Variants in LARP1B observed in about 807,000 individuals in gnomAD.
LARP1B encodes la-related protein 1B.
LARP1B carries 76 observed loss-of-function variants against 114.2 expected under a neutral mutation model. That is an observed-to-expected ratio of 0.67 (90% confidence interval 0.55 to 0.81). LARP1B has a LOEUF of 0.81. Ranked by LOEUF, LARP1B falls within the 30% of genes least tolerant of loss-of-function variation. The pLI, the probability that LARP1B is intolerant of heterozygous loss-of-function variation, is 0.00. For missense variants in LARP1B, 1,014 were observed against 1,075.8 expected, an observed-to-expected ratio of 0.94 and a Z score of 0.80; for synonymous variants, 345 against 348.0, an observed-to-expected ratio of 0.99 and a Z score of 0.10.
rs1395078070 is a variant in LARP1B at position 128,207,375 on chromosome 4, C to T, written c.2539C>T (p.Arg847Cys). Residue 847 changes from arginine (R) to cysteine (C), a missense_variant, in exon 19 of 20, where the codon CGT (arginine) becomes TGT (cysteine). By Grantham distance (180) the Arg-to-Cys change is radical (BLOSUM62 -3). Transcript: ENST00000326639. ...LCSFKRLEDF[R>C]VDPPISDEFG... ...TAGTTTTAAGAGGTTAGAAGACTTC[C>T]GTGTTGATGTAAGTTTTAAGTCATT... 8.0e-6 allele frequency: 12 copies of T among 1,500,228 alleles called. No homozygotes were observed. Among genetic ancestry groups the T allele is most frequent in the East Asian group, 4.9e-5 (2 of 40,632 alleles). The allele number at this position is 1,500,228 out of a possible 1,614,324, so 92.9% of individuals were successfully genotyped here.
chr4:128,105,816 G>C (rs1781872311), intron 8 of LARP1B, among the ~76,000 whole-genome samples: 1 of 152,082 alleles, frequency 6.6e-6, no homozygotes, highest in African/African-American at 2.4e-5. Flanking sequence ...GCTTGAACTT[G>C]GGAGGCGGAG....
intron 11 of LARP1B, among the ~76,000 whole-genome samples, chr4:128,129,675 T>C (rs1453420283): frequency 1.3e-5 from 2 of 152,122 alleles, no homozygotes; most frequent in Admixed American, 6.6e-5. Flanking sequence ...GGTGAAAGAA[T>C]AGACAACTAA....
intron 11 of LARP1B, among the ~76,000 whole-genome samples, chr4:128,146,786 A>T (rs1305116867): frequency 6.6e-6 from 1 of 152,228 alleles, no homozygotes; most frequent in African/African-American, 2.4e-5. Context: ...AAAGCAGAAC[A>T]GTTATTTAAA....
intron 5 of LARP1B, among the ~76,000 whole-genome samples, chr4:128,086,143 A>C (rs1300504311): frequency 6.6e-6 from 1 of 150,768 alleles, no homozygotes; most frequent in Non-Finnish European, 1.5e-5. Context: ...AGCTGGGACT[A>C]CAAGCACCTG....
intron 11 of LARP1B, chr4:128,123,485 T>A: frequency 1.4e-6 from 1 of 717,634 alleles, no homozygotes; most frequent in Non-Finnish European, 1.7e-6. Flanking sequence ...TTTACCCAGC[T>A]TTGTTTTTCA....
rs147417803 is a variant in LARP1B at position 128,115,200 on chromosome 4, T to C, written c.1161+458T>C. 2.5e-3 allele frequency among the ~76,000 whole-genome samples: 383 copies of C among 152,280 alleles called. 4 individuals are homozygous for C. The East Asian group carries it at 0.027, about 11-fold the overall frequency. On this transcript the variant is annotated intron_variant, in intron 10 of 19. Transcript: ENST00000326639. The stretch of plus-strand genomic sequence containing the variant: ...ATCCGCCCGCCTCGTCCTCCCAAAG[T>C]GCTGGGATTAGAGGCATGAGCCACT...
intron 7 of LARP1B, chr4:128,093,175 A>C (rs758439178): frequency 1.1e-5 from 3 of 283,220 alleles, no homozygotes; most frequent in Non-Finnish European, 1.6e-5. Context: ...TGTTATTATT[A>C]TTACCATTCT....
At chr4:128,083,766 A>C in intron 5 of LARP1B, among the ~76,000 whole-genome samples, 6 of 120,108 alleles carry the variant, frequency 5.0e-5, no homozygotes, top group Non-Finnish European at 6.9e-5. Flanking sequence ...GGCGCCCCTC[A>C]CCTCCTGGAC....
At chr4:128,121,441 T>A (rs994650188) in intron 10 of LARP1B, among the ~76,000 whole-genome samples, 1 of 152,254 alleles carries the variant, frequency 6.6e-6, no homozygotes, top group African/African-American at 2.4e-5. Context: ...TGCCTCAGCC[T>A]CCCGAGTAGC....
In LARP1B at chr4:128,109,839, C is replaced by CA. The variant is rs113279807; in HGVS notation, c.988+2536dup. 1.5e-3 allele frequency among the ~76,000 whole-genome samples: 218 copies of CA among 146,144 alleles called. 2 individuals are homozygous for CA. Among genetic ancestry groups the CA allele is most frequent in the Non-Finnish European group, 2.2e-3 (144 of 66,074 alleles). On this transcript the variant is annotated intron_variant, in intron 9 of 19. Transcript: ENST00000326639. ...CCAGAACTGTGATCCTCCCAAGGTA[C>CA]AAAAAAAAAATCATACCAGAGATGA...
At chr4:128,095,348 G>A (rs1204513013) in intron 7 of LARP1B, among the ~76,000 whole-genome samples, 3 of 151,832 alleles carry the variant, frequency 2.0e-5, no homozygotes, top group Admixed American at 2.0e-4. Context: ...AATTAGCCGG[G>A]CATGGTGGCA....
At chr4:128,135,854 G>C (rs1407802304) in intron 11 of LARP1B, among the ~76,000 whole-genome samples, 1 of 152,140 alleles carries the variant, frequency 6.6e-6, no homozygotes, top group Non-Finnish European at 1.5e-5. Context: ...TTGCACAGCA[G>C]TGTGAATATA....
At chr4:128,213,565 A>G (rs1759264675), downstream of LARP1B, among the ~76,000 whole-genome samples, 1 of 152,230 alleles carries the variant, frequency 6.6e-6, no homozygotes, top group Admixed American at 6.5e-5. Flanking sequence ...AAATAAAAGC[A>G]CTGCTATTTA....
intron 19 of LARP1B, among the ~76,000 whole-genome samples, chr4:128,207,758 G>A (rs1351623845): frequency 6.6e-6 from 1 of 152,182 alleles, no homozygotes; most frequent in African/African-American, 2.4e-5. Flanking sequence ...GTGCTGATAT[G>A]GATTTAGGGT....
At chr4:128,186,324 G>A (rs535375036) in intron 15 of LARP1B, among the ~76,000 whole-genome samples, 5 of 151,700 alleles carry the variant, frequency 3.3e-5, no homozygotes, top group African/African-American at 9.7e-5. Flanking sequence ...CCTTTCTTTC[G>A]TGTGACCTCT....
Position 128,107,231 on chromosome 4 carries a change from A to G in LARP1B, c.906A>G (p.Pro302=), listed in dbSNP as rs774015822. The G allele has an allele frequency of 1.2e-6, 2 of 1,613,982 alleles. No homozygotes were observed. The highest frequency in any genetic ancestry group is 3.3e-5 in the Admixed American group (2 of 59,988). Residue 302 remains proline, a synonymous_variant, in exon 9 of 20, where the codon CCA becomes CCG. Transcript: ENST00000326639. The part of the protein sequence containing the change: ...PEKWPIPGPP[P]RSVPPTDFSQ... ...AATGGCCAATTCCAGGCCCTCCTCCACGCAGTGTGCCACCAACAGACTTCT... is the reference window on the plus strand; with the variant it reads ...AATGGCCAATTCCAGGCCCTCCTCCGCGCAGTGTGCCACCAACAGACTTCT...
chr4:128,206,137 A>C (rs1479229349), intron 17 of LARP1B, among the ~76,000 whole-genome samples: 1 of 152,074 alleles, frequency 6.6e-6, no homozygotes, highest in Admixed American at 6.6e-5. Flanking sequence ...CTAAAAATAC[A>C]AAAAATTAGC....
chr4:128,185,042 A>G (rs1749834013), intron 15 of LARP1B, among the ~76,000 whole-genome samples: 1 of 152,088 alleles, frequency 6.6e-6, no homozygotes, highest in African/African-American at 2.4e-5. Flanking sequence ...ATACACATAT[A>G]TATACCCATA....
chr4:128,108,122 A>C (rs533357599), intron 9 of LARP1B: 9 of 1,327,316 alleles, frequency 6.8e-6, no homozygotes, highest in South Asian at 2.3e-5. Flanking sequence ...GAGGACTGCT[A>C]CTCTTTTTAT....
Sources: allele counts gnomAD v4.1 joint callset (sites outside exome capture counted in the v4.1 genomes callset), GRCh38; gene constraint gnomAD v4.1.1; transcripts MANE v1.5; gene names NCBI Gene and HGNC (gene_info 2026-07-23, HGNC 2026-07-21).